Variants in POLR2B observed in about 807,000 individuals in gnomAD.
The protein encoded by POLR2B is DNA-directed RNA polymerase II subunit RPB2.
A neutral mutation model predicts 144.6 loss-of-function variants in POLR2B; 57 were observed. The observed-to-expected ratio is 0.39, with a 90% confidence interval of 0.32 to 0.49. POLR2B has a LOEUF of 0.49. Among genes scored for constraint, POLR2B ranks in the 20% least tolerant of loss-of-function variants. The probability of loss-of-function intolerance (pLI) is 0.83; values close to 1 mark genes in which losing one functional copy is unlikely to be tolerated. For synonymous variants in POLR2B, 442 were observed against 469.8 expected, an observed-to-expected ratio of 0.94 and a Z score of 0.77; for missense variants, 595 against 1,467.4, an observed-to-expected ratio of 0.41 and a Z score of 9.71.
chr4:57,022,823 C>A (rs1360020607), intron 18 of POLR2B, among the ~76,000 whole-genome samples: 1 of 152,136 alleles, frequency 6.6e-6, no homozygotes, highest in Non-Finnish European at 1.5e-5. Context: ...TATTTTGTTT[C>A]CTTTGCCATC....
chr4:57,003,093 T>C (rs1350895872), intron 7 of POLR2B, among the ~76,000 whole-genome samples: 1 of 152,206 alleles, frequency 6.6e-6, no homozygotes, highest in Non-Finnish European at 1.5e-5. Context: ...AGGCCACAGA[T>C]AGTGGCAGGA....
chr4:56,997,851 G>C (rs1460070893), intron 6 of POLR2B, among the ~76,000 whole-genome samples: 1 of 152,200 alleles, frequency 6.6e-6, no homozygotes, highest in African/African-American at 2.4e-5. Flanking sequence ...TCAATAGTGA[G>C]AATGGGAGTG....
chr4:57,024,829 C>T, intron 21 of POLR2B, 57 bp from the exon 22 acceptor site: 2 of 843,360 alleles, frequency 2.4e-6, no homozygotes, highest in Non-Finnish European at 3.8e-6. Context: ...ATTGATATGA[C>T]TTTTAGGGGG....
Position 56,999,607 on chromosome 4 carries a change from AT to A in POLR2B, c.736-5del. 1.3e-6 allele frequency: 2 copies of A among 1,582,766 alleles called. No individual in the cohort carries two copies. Among genetic ancestry groups the A allele is most frequent in the South Asian group, 2.3e-5 (2 of 85,912 alleles). ...TATATTCATGTTCTAATGATACTTT[AT>A]TTTTCTAGGGTGCCAAGAAGAGTGC... On this transcript the variant is annotated splice_polypyrimidine_tract_variant and intron_variant, in intron 6 of 24. Coordinates refer to ENST00000314595, the MANE Select transcript of POLR2B (RefSeq NM_000938.3).
chr4:57,010,400 C>A lies in POLR2B; in HGVS notation c.1444C>A (p.Leu482Met). 6.2e-7 allele frequency: 1 copy of A among 1,613,862 alleles called. No individual in the cohort carries two copies. The highest frequency in any genetic ancestry group is 8.5e-7 in the Non-Finnish European group (1 of 1,179,910). ...GACTTTTGCGTCTACTCTTTCTCAC[C>A]TGCGTCGTTTAAATTCTCCTATTGG... is the stretch of plus-strand genomic sequence containing the variant. ...RLTFASTLSH[L>M]RRLNSPIGRD... Residue 482 changes from leucine to methionine, a missense_variant, in exon 11 of 25, where the codon CTG becomes ATG. Coordinates refer to ENST00000314595, the MANE Select transcript of POLR2B (RefSeq NM_000938.3).
intron 7 of POLR2B, among the ~76,000 whole-genome samples, chr4:57,001,421 C>T (rs775563448): frequency 1.3e-5 from 2 of 152,166 alleles, no homozygotes; most frequent in Non-Finnish European, 2.9e-5. Context: ...GTAGGCCTCC[C>T]AAGTGCTGGG....
At position 57,023,894 on chromosome 4, in the gene POLR2B, C is replaced by A; in HGVS notation, c.2857-111C>A. On this transcript the variant is annotated intron_variant, in intron 20 of 24. Transcript: ENST00000314595. The surrounding 1 kb of genome is among the most constrained non-coding windows in gnomAD (Gnocchi z 4.3). ...ATTGTTGAATAAGTATATGAACATA[C>A]CATGTTTAAACAGAATTTGGGACAT... 1 of 784,158 alleles carries A rather than the reference C, an allele frequency of 1.3e-6. No homozygotes were observed. The highest frequency in any genetic ancestry group is 2.5e-5 in the East Asian group (1 of 39,336). The allele number at this position is 784,158 out of a possible 1,614,324, so 48.6% of individuals were successfully genotyped here.
intron 3 of POLR2B, among the ~76,000 whole-genome samples, chr4:56,993,876 G>C (rs1355241184): frequency 6.6e-6 from 1 of 152,058 alleles, no homozygotes; most frequent in East Asian, 1.9e-4. Context: ...TAGTTGTCTG[G>C]ATTTGTTATC....
rs150506792 is a variant in POLR2B at position 56,982,267 on chromosome 4, C to T, written c.19+3263C>T. The stretch of plus-strand genomic sequence containing the variant: ...CCACTGCCTCCTGTCTTCTCTGTCT[C>T]GGTGAAGGGCACATTTGGCCCTCTG... On this transcript the variant is annotated intron_variant, in intron 1 of 24. Coordinates refer to ENST00000314595, the MANE Select transcript of POLR2B (RefSeq NM_000938.3). 3.6e-3 allele frequency among the ~76,000 whole-genome samples: 544 copies of T among 152,090 alleles called. 3 individuals carry two copies. Among genetic ancestry groups the T allele is most frequent in the South Asian group, 7.9e-3 (38 of 4,804 alleles).
At chr4:56,990,603 A>G (rs551546527) in intron 2 of POLR2B, 145 bp from the exon 3 acceptor site, 6 of 639,896 alleles carry the variant, frequency 9.4e-6, no homozygotes, top group Admixed American at 8.8e-5. Flanking sequence ...GATACCTCAT[A>G]GTGTCTTGTT....
In POLR2B at chr4:57,017,893, G is replaced by A. The variant is rs1199585841; in HGVS notation, c.2323+165G>A. Among the ~76,000 whole-genome samples, 1 of 152,226 alleles carries A rather than the reference G, an allele frequency of 6.6e-6. No homozygotes were observed. The highest frequency in any genetic ancestry group is 2.4e-5 in the African/African-American group (1 of 41,462). On this transcript the variant is annotated intron_variant, in intron 16 of 24. Coordinates refer to ENST00000314595, the MANE Select transcript of POLR2B (RefSeq NM_000938.3). This position sits in a 1 kb window ranked among gnomAD's most constrained non-coding sequence, Gnocchi z 4.8. ...TAATAAAAAGGTAGGTATGTGGAAA[G>A]TGTTTTGGTGGAGGTACAAAGTCCT... is the stretch of plus-strand genomic sequence containing the variant.
intron 1 of POLR2B, among the ~76,000 whole-genome samples, chr4:56,985,775 G>A (rs1722305176): frequency 6.6e-6 from 1 of 152,128 alleles, no homozygotes; most frequent in Non-Finnish European, 1.5e-5. Flanking sequence ...TTCTGACCTG[G>A]CTTCTGAAGT....
rs1366974645 is a variant in POLR2B at position 56,997,107 on chromosome 4, A to AG, written c.735+1699dup. ...GAGCCTGTTCCAAAAAGAAAAAAAG[A>AG]GAAAAAAAAGAATGGTTTTATTGGG... On this transcript the variant is annotated intron_variant, in intron 6 of 24. Transcript: ENST00000314595. 2.0e-5 allele frequency among the ~76,000 whole-genome samples: 3 copies of AG among 152,166 alleles called. No homozygotes were observed. In the East Asian group the frequency reaches 5.8e-4, roughly 29 times the overall value.
chr4:57,029,623 A>T (rs777018865), intron 23 of POLR2B, among the ~76,000 whole-genome samples: 20 of 152,246 alleles, frequency 1.3e-4, no homozygotes, highest in Non-Finnish European at 2.5e-4. Context: ...ATTATCATTT[A>T]CCTGTTCTTT....
At chr4:57,000,625 A>C (rs956399239) in intron 7 of POLR2B, among the ~76,000 whole-genome samples, 4 of 152,204 alleles carry the variant, frequency 2.6e-5, no homozygotes, top group African/African-American at 9.7e-5. Context: ...ATATTTCCTA[A>C]GAATCAGTAC....
In POLR2B at chr4:57,010,344, T is replaced by C. The variant is rs764224814; in HGVS notation, c.1405-17T>C. 6.2e-7 allele frequency: 1 copy of C among 1,611,732 alleles called. No homozygotes were observed. The highest frequency in any genetic ancestry group is 2.2e-5 in the East Asian group (1 of 44,862). On this transcript the variant is annotated splice_polypyrimidine_tract_variant and intron_variant, in intron 10 of 24. Coordinates refer to ENST00000314595, the MANE Select transcript of POLR2B (RefSeq NM_000938.3). ...ACAGAAATGTCCAGACTTTAAAGATTGGCTATTTTTTTCTAGGTGTTAAAC... is the reference window on the plus strand; with the variant it reads ...ACAGAAATGTCCAGACTTTAAAGATCGGCTATTTTTTTCTAGGTGTTAAAC...
rs1723609453 is a variant in POLR2B at position 57,023,268 on chromosome 4, A to T, written c.2516-62A>T. ...CTTCTCTCTGACTTGGAACTGATTCATGTATGTGGTTTTTAATCTTTGTTG... is the reference window on the plus strand; with the variant it reads ...CTTCTCTCTGACTTGGAACTGATTCTTGTATGTGGTTTTTAATCTTTGTTG... On this transcript the variant is annotated intron_variant, in intron 18 of 24. Transcript: ENST00000314595. The surrounding 1 kb of genome is among the most constrained non-coding windows in gnomAD (Gnocchi z 4.3). 2 of 1,556,642 alleles carry T rather than the reference A, an allele frequency of 1.3e-6. No individual in the cohort carries two copies. The highest frequency in any genetic ancestry group is 1.8e-6 in the Non-Finnish European group (2 of 1,135,696).
chr4:57,028,608 C>T (rs1447332752), intron 23 of POLR2B, among the ~76,000 whole-genome samples: 1 of 152,214 alleles, frequency 6.6e-6, no homozygotes, highest in African/African-American at 2.4e-5. Flanking sequence ...TTTGGTTCTG[C>T]TACCCTGAGT....
At chr4:56,987,330 G>A (rs915452422) in intron 2 of POLR2B, among the ~76,000 whole-genome samples, 28 of 152,278 alleles carry the variant, frequency 1.8e-4, no homozygotes, top group Admixed American at 5.2e-4. Context: ...GAGAAGCCTT[G>A]TATAGGTAAG....
Sources: allele counts gnomAD v4.1 joint callset (sites outside exome capture counted in the v4.1 genomes callset), GRCh38; gene constraint gnomAD v4.1.1; non-coding constraint Gnocchi (gnomAD v3.1); transcripts MANE v1.5; gene names NCBI Gene and HGNC (gene_info 2026-07-23, HGNC 2026-07-21).